PDE4D: variants seen among roughly 807,000 people sequenced by gnomAD.
The protein encoded by PDE4D is 3',5'-cyclic-AMP phosphodiesterase 4D.
Under a neutral mutation model 87.4 loss-of-function variants are expected in PDE4D, and 24 were observed. The ratio of observed to expected loss-of-function variants is 0.27; its 90% CI spans 0.20 to 0.39. The LOEUF (loss-of-function observed/expected upper bound fraction) is 0.39, where lower values mean the gene tolerates loss of function less well. Among genes scored for constraint, PDE4D ranks in the 10% least tolerant of loss-of-function variants. PDE4D has a pLI of 1.00. For synonymous variants in PDE4D, 384 were observed against 383.2 expected (o/e 1.00, Z -0.02); for missense variants, 714 against 1,041.0 (o/e 0.69, Z 4.32).
At chr5:60,054,955 C>T (rs997324427) in intron 2 of PDE4D, among the ~76,000 whole-genome samples, 1 of 151,856 alleles carries the variant, frequency 6.6e-6, no homozygotes, top group Non-Finnish European at 1.5e-5. Flanking sequence ...CAAAAAGCAA[C>T]TCAACGAATA....
intron 5 of PDE4D, among the ~76,000 whole-genome samples, chr5:59,154,069 T>C (rs1476081393): frequency 6.6e-6 from 1 of 152,102 alleles, no homozygotes; most frequent in Non-Finnish European, 1.5e-5. Context: ...GGAGGTACAA[T>C]ACATATCTGG....
chr5:60,243,308 CA>C (rs1184640688), intron 1 of PDE4D, among the ~76,000 whole-genome samples: 1 of 151,864 alleles, frequency 6.6e-6, no homozygotes, highest in Non-Finnish European at 1.5e-5. Flanking sequence ...TAATAAGCAA[CA>C]AGATCAAAAC....
chr5:60,502,590 G>A (rs1273832399), intron 1 of PDE4D, among the ~76,000 whole-genome samples: 2 of 152,186 alleles, frequency 1.3e-5, no homozygotes. Flanking sequence ...GTTCCTATTC[G>A]GCCATCTTGG....
rs1221782997 is a variant in PDE4D at position 59,172,340 on chromosome 5, T to A, written c.808+8255A>T. On this transcript the variant is annotated intron_variant, in intron 5 of 14. Transcript: ENST00000340635. ...ATAAAATATATAATATATAATATAT[T>A]ATATATTATATATTTTGTATATATT... 9.0e-5 allele frequency among the ~76,000 whole-genome samples: 12 copies of A among 133,170 alleles called. No homozygotes were observed. The South Asian group carries it at 1.3e-3, about 14-fold the overall frequency. 87.4% of individuals were successfully genotyped at this position (133,170 alleles called of 152,430 possible). A position where few individuals can be genotyped will look rare whatever the true frequency, so the allele number is the denominator to read the frequency against.
chr5:59,139,768 T>C (rs1027765168), intron 5 of PDE4D, among the ~76,000 whole-genome samples: 3 of 152,036 alleles, frequency 2.0e-5, no homozygotes, highest in African/African-American at 7.3e-5. Context: ...GTGTGAGCTA[T>C]TGCACCTGGA....
chr5:60,294,624 C>T (rs1753212449), intron 1 of PDE4D, among the ~76,000 whole-genome samples: 1 of 151,918 alleles, frequency 6.6e-6, no homozygotes, highest in African/African-American at 2.4e-5. Context: ...CCTCTCCATT[C>T]CTTTATTTAA....
intron 1 of PDE4D, among the ~76,000 whole-genome samples, chr5:59,829,791 T>C (rs546966211): frequency 1.6e-4 from 25 of 152,156 alleles, no homozygotes; most frequent in Admixed American, 1.3e-3. Context: ...TATTTGTTAT[T>C]TGCATTTCCC....
intron 3 of PDE4D, among the ~76,000 whole-genome samples, chr5:59,900,121 C>G (rs1048334110): frequency 1.3e-5 from 2 of 151,744 alleles, no homozygotes; most frequent in Non-Finnish European, 2.9e-5. Context: ...ACAACTGTAA[C>G]CCCAGCCTCT....
chr5:59,695,060 G>A (rs1751550325), intron 1 of PDE4D, among the ~76,000 whole-genome samples: 1 of 151,982 alleles, frequency 6.6e-6, no homozygotes, highest in South Asian at 2.1e-4. Context: ...ATCTAATCAA[G>A]GTCAGCCACT....
chr5:59,110,265 CCTTT>C (rs1580844020), intron 5 of PDE4D, among the ~76,000 whole-genome samples: 1 of 152,160 alleles, frequency 6.6e-6, no homozygotes, highest in African/African-American at 2.4e-5. Flanking sequence ...GACAAGATCA[CCTTT>C]CTGAGACTGC....
chr5:60,297,602 T>C (rs906854282), intron 1 of PDE4D, among the ~76,000 whole-genome samples: 22 of 152,362 alleles, frequency 1.4e-4, no homozygotes, highest in African/African-American at 5.3e-4. Context: ...CATTTCATTT[T>C]ATTATACATT....
rs142306634 is a variant in PDE4D, at chr5:59,468,809, T to C, written c.456-252841A>G. On this transcript the variant is annotated intron_variant, in intron 1 of 14. Transcript: ENST00000340635. ...ATTATGAGCCAGAAGACTTTAATCA[T>C]AGGCCTAACTTAGAGCTTCAATGCA... 2.5e-3 allele frequency among the ~76,000 whole-genome samples: 388 copies of C among 152,310 alleles called. 2 individuals are homozygous for C. The highest frequency in any genetic ancestry group is 9.1e-3 in the African/African-American group (377 of 41,572).
chr5:59,833,418 G>A lies in PDE4D; in HGVS notation c.455+59750C>T, dbSNP rs114355353. Among the ~76,000 whole-genome samples the A allele has an allele frequency of 5.6e-3, 846 of 151,982 alleles. 9 individuals carry two copies. Among genetic ancestry groups the A allele is most frequent in the African/African-American group, 0.02 (815 of 41,494 alleles). ...TCAGTCCCCCAGCCCTGAGATGAGT[G>A]GATTTGAAAGAGTCAACAGTAAATC... On this transcript the variant is annotated intron_variant, in intron 1 of 14. Transcript: ENST00000340635.
At chr5:59,340,492 G>A (rs1778527124) in intron 1 of PDE4D, among the ~76,000 whole-genome samples, 1 of 152,090 alleles carries the variant, frequency 6.6e-6, no homozygotes, top group South Asian at 2.1e-4. Flanking sequence ...CAGGGTAAAT[G>A]AGGTATCCAT....
intron 1 of PDE4D, among the ~76,000 whole-genome samples, chr5:59,450,275 T>C (rs1045241288): frequency 1.3e-5 from 2 of 152,256 alleles, no homozygotes; most frequent in African/African-American, 4.8e-5. Context: ...AGTCTTTCTC[T>C]GACCTATGAA....
chr5:60,303,297 A>G (rs7714394), intron 1 of PDE4D, among the ~76,000 whole-genome samples: 61,077 of 148,552 alleles, frequency 0.41, 14,514 homozygotes, highest in African/African-American at 0.67. Context: ...GTGTGGTTAT[A>G]TCTGGATTTC....
chr5:59,661,814 C>T (rs1245199109), intron 1 of PDE4D, among the ~76,000 whole-genome samples: 3 of 152,130 alleles, frequency 2.0e-5, no homozygotes, highest in Non-Finnish European at 4.4e-5. Flanking sequence ...TATAAATGAG[C>T]ATTGTAGGCC....
chr5:59,519,782 G>A (rs779496317), intron 1 of PDE4D, among the ~76,000 whole-genome samples: 6 of 152,138 alleles, frequency 3.9e-5, no homozygotes, highest in Non-Finnish European at 7.3e-5. Flanking sequence ...AGCACCAGTC[G>A]GAAAACTGGT....
chr5:59,988,318 C>T (rs1019848203), intron 3 of PDE4D: 9 of 511,634 alleles, frequency 1.8e-5, no homozygotes, highest in Non-Finnish European at 2.1e-5. Context: ...ATGTCTTCTC[C>T]TGCAGATATA....
Sources: allele counts gnomAD v4.1 joint callset (sites outside exome capture counted in the v4.1 genomes callset), GRCh38; gene constraint gnomAD v4.1.1; transcripts MANE v1.5; gene names NCBI Gene and HGNC (gene_info 2026-07-23, HGNC 2026-07-21).